Variants in SH3BGRL observed in about 807,000 individuals in gnomAD.
The protein encoded by SH3BGRL is adapter SH3BGRL.
SH3BGRL carries 7 observed loss-of-function variants against 9.8 expected under a neutral mutation model. That is an observed-to-expected ratio of 0.72 (90% confidence interval 0.41 to 1.35). The LOEUF (loss-of-function observed/expected upper bound fraction) is 1.35. Ranked by LOEUF, SH3BGRL falls within the 40% of genes most tolerant of loss-of-function variation. SH3BGRL has a pLI of 0.01. For missense variants in SH3BGRL, 73 were observed against 84.4 expected, an observed-to-expected ratio of 0.86 and a Z score of 0.53; for synonymous variants, 36 against 29.1, an observed-to-expected ratio of 1.24 and a Z score of -0.76.
At chrX:81,232,158 A>G (rs1299975243) in intron 1 of SH3BGRL, among the ~76,000 whole-genome samples, 5 of 111,218 alleles carry the variant, frequency 4.5e-5, no homozygotes, top group Non-Finnish European at 7.6e-5. Flanking sequence ...TATTTTATAT[A>G]TGTTTTATTA....
chrX:81,276,261 C>T (rs1351850180), intron 1 of SH3BGRL, among the ~76,000 whole-genome samples: 4 of 109,185 alleles, frequency 3.7e-5, no homozygotes, highest in African/African-American at 1.3e-4. Context: ...GTGCCATCTC[C>T]ACCTGGTTAT....
intron 1 of SH3BGRL, among the ~76,000 whole-genome samples, chrX:81,274,189 G>A (rs1349093094): frequency 9.0e-6 from 1 of 111,426 alleles, no homozygotes; most frequent in African/African-American, 3.3e-5. Context: ...GCAATATATG[G>A]TTTTCAGTCT....
intron 1 of SH3BGRL, among the ~76,000 whole-genome samples, chrX:81,271,980 G>A (rs2075781356): frequency 9.1e-6 from 1 of 110,474 alleles, no homozygotes. Context: ...GGATCATGAG[G>A]TCAGGAGATT....
intron 1 of SH3BGRL, among the ~76,000 whole-genome samples, chrX:81,247,190 T>TCATTTC (rs1288685045): frequency 8.9e-6 from 1 of 112,328 alleles, no homozygotes; most frequent in African/African-American, 3.2e-5. Context: ...AAATAGTTTA[T>TCATTTC]CATTTCCAAG....
intron 1 of SH3BGRL, among the ~76,000 whole-genome samples, chrX:81,268,707 G>C (rs1358465821): frequency 8.9e-6 from 1 of 111,889 alleles, no homozygotes; most frequent in African/African-American, 3.3e-5. Flanking sequence ...ATTTGGGGTA[G>C]AGAGGTCTGT....
At chrX:81,202,385 T>C (rs953208814) in intron 1 of SH3BGRL, 140 bp downstream of exon 1, 2 of 985,308 alleles carry the variant, frequency 2.0e-6, no homozygotes, top group Admixed American at 5.3e-5. Context: ...CCCTTCTTCT[T>C]CCCTTTTTTC....
intron 1 of SH3BGRL, among the ~76,000 whole-genome samples, chrX:81,242,639 C>T (rs2075674168): frequency 9.0e-6 from 1 of 111,451 alleles, no homozygotes; most frequent in African/African-American, 3.3e-5. Flanking sequence ...AGACAGCCCA[C>T]AGAGTAGTAG....
chrX:81,239,627 G>A (rs146805178), intron 1 of SH3BGRL, among the ~76,000 whole-genome samples: 1,281 of 112,094 alleles, frequency 0.011, 19 homozygotes, highest in African/African-American at 0.039. Context: ...AAATGACAGA[G>A]AAACTTCCAA....
intron 1 of SH3BGRL, among the ~76,000 whole-genome samples, chrX:81,236,900 G>GGAGAGAGAGA (rs3051997): frequency 3.6e-4 from 35 of 97,392 alleles, no homozygotes; most frequent in Non-Finnish European, 4.4e-4. Flanking sequence ...AGAGGCTGAG[G>GGAGAGAGAGA]GAGAGAGAGA....
intron 3 of SH3BGRL, among the ~76,000 whole-genome samples, chrX:81,296,488 A>C (rs746581255): frequency 1.8e-5 from 2 of 111,362 alleles, no homozygotes; most frequent in Non-Finnish European, 3.8e-5. Flanking sequence ...TGCATGTAAT[A>C]CTGGGACTCA....
chrX:81,267,103 T>G (rs762603012), intron 1 of SH3BGRL, among the ~76,000 whole-genome samples: 105 of 112,250 alleles, frequency 9.4e-4, no homozygotes, highest in African/African-American at 3.3e-3. Flanking sequence ...AAGGAGATTT[T>G]GGGCTGAGAC....
At chrX:81,210,917 A>G (rs1028965845) in intron 1 of SH3BGRL, among the ~76,000 whole-genome samples, 2 of 112,583 alleles carry the variant, frequency 1.8e-5, no homozygotes, top group African/African-American at 6.5e-5. Flanking sequence ...AATCAAAGTT[A>G]TAAGAGCTCA....
intron 1 of SH3BGRL, among the ~76,000 whole-genome samples, chrX:81,272,417 T>G (rs1405126574): frequency 9.0e-6 from 1 of 111,066 alleles, no homozygotes; most frequent in African/African-American, 3.3e-5. Context: ...AAATGCTGTT[T>G]GTTCACTCCT....
chrX:81,277,266 A>C, intron 2 of SH3BGRL, 97 bp downstream of exon 2: 2 of 692,931 alleles, frequency 2.9e-6, no homozygotes, highest in Non-Finnish European at 4.3e-6. Flanking sequence ...ATATATAGTC[A>C]TATCTCTTGC....
At chrX:81,234,972 T>C (rs1289784281) in intron 1 of SH3BGRL, among the ~76,000 whole-genome samples, 1 of 111,725 alleles carries the variant, frequency 9.0e-6, no homozygotes, top group Non-Finnish European at 1.9e-5. Context: ...AGGATACATG[T>C]TTTTAAATCT....
At chrX:81,295,644 C>T (rs2075872087) in intron 3 of SH3BGRL, among the ~76,000 whole-genome samples, 1 of 111,672 alleles carries the variant, frequency 9.0e-6, no homozygotes, top group Non-Finnish European at 1.9e-5. Context: ...TGCCCTAAAC[C>T]ATCTCTCTCA....
Position 81,224,114 on chromosome X carries a change from A to G in SH3BGRL, c.45+21869A>G, listed in dbSNP as rs1191749752. On this transcript the variant is annotated intron_variant, in intron 1 of 3. Transcript: ENST00000373212. ...GTAATACCCAATGCAATGCTTTAAA[A>G]GGTTCAATTTCCAGAAAAATTTTAT... Among the ~76,000 whole-genome samples, 3 of 112,329 alleles carry G rather than the reference A, an allele frequency of 2.7e-5. No homozygotes were observed. The Admixed American group carries it at 2.8e-4, about 11-fold the overall frequency.
intron 3 of SH3BGRL, among the ~76,000 whole-genome samples, chrX:81,291,928 C>G (rs746145117): frequency 1.8e-5 from 2 of 111,972 alleles, no homozygotes; most frequent in African/African-American, 6.5e-5. Context: ...GGATGTGATA[C>G]CAGGGCCTTG....
At chrX:81,244,646 T>A (rs2075682375) in intron 1 of SH3BGRL, among the ~76,000 whole-genome samples, 1 of 112,074 alleles carries the variant, frequency 8.9e-6, no homozygotes, top group African/African-American at 3.2e-5. Context: ...ATTCTTTTTT[T>A]AATTTAATTT....
Sources: gnomAD v4.1 joint callset for allele counts (sites outside exome capture counted in the v4.1 genomes callset) on GRCh38, gnomAD v4.1.1 for gene constraint, MANE v1.5 for transcripts, NCBI Gene and HGNC (gene_info 2026-07-23, HGNC 2026-07-21) for gene names.